The following NSMCE2 variants were observed in gnomAD, a reference collection of about 807,000 sequenced individuals.
NSMCE2 encodes the protein NSE2 SUMO ligase component of SMC5/6 complex.
NSMCE2 carries 24 observed loss-of-function variants against 23.8 expected under a neutral mutation model. The observed-to-expected ratio is 1.01, with a 90% CI of 0.73 to 1.42. The LOEUF is 1.42. NSMCE2 is among the 40% of genes most tolerant of loss of function. The pLI is 0.00. For synonymous variants in NSMCE2, 92 were observed against 94.1 expected, an observed-to-expected ratio of 0.98 and a Z score of 0.13; for missense variants, 284 against 296.5, an observed-to-expected ratio of 0.96 and a Z score of 0.31.
intron 3 of NSMCE2, among the ~76,000 whole-genome samples, chr8:125,135,116 C>T (rs1819996516): frequency 6.6e-6 from 1 of 152,106 alleles, no homozygotes; most frequent in African/African-American, 2.4e-5. Context: ...TGGGGTTTCA[C>T]TATGTTGTCC....
At chr8:125,208,404 A>G (rs1703775719) in intron 5 of NSMCE2, among the ~76,000 whole-genome samples, 1 of 152,204 alleles carries the variant, frequency 6.6e-6, no homozygotes, top group African/African-American at 2.4e-5. Context: ...GAAACATGGG[A>G]CATAGTCTTT....
intron 5 of NSMCE2, among the ~76,000 whole-genome samples, chr8:125,195,911 G>C (rs1823591795): frequency 7.9e-6 from 1 of 126,500 alleles, no homozygotes; most frequent in South Asian, 2.6e-4. Context: ...TTTTGAGATG[G>C]AGTCTCATTC....
intron 5 of NSMCE2, among the ~76,000 whole-genome samples, chr8:125,192,009 A>G (rs1823362318): frequency 6.6e-6 from 1 of 152,172 alleles, no homozygotes; most frequent in African/African-American, 2.4e-5. Flanking sequence ...TTAGTGAAGA[A>G]AGGTTCAGTT....
intron 5 of NSMCE2, among the ~76,000 whole-genome samples, chr8:125,269,463 A>G (rs936127766): frequency 1.3e-5 from 2 of 152,158 alleles, no homozygotes; most frequent in African/African-American, 2.4e-5. Context: ...CTTTGTATCT[A>G]TGGAGCAAAA....
intron 5 of NSMCE2, among the ~76,000 whole-genome samples, chr8:125,325,793 A>AAT (rs1267491029): frequency 2.0e-5 from 3 of 152,284 alleles, no homozygotes; most frequent in African/African-American, 7.2e-5. Context: ...CTCTACTAAA[A>AAT]ATATAAAAGT....
At chr8:125,239,080 T>C (rs1217974195) in intron 5 of NSMCE2, among the ~76,000 whole-genome samples, 2 of 152,192 alleles carry the variant, frequency 1.3e-5, no homozygotes, top group African/African-American at 2.4e-5. Flanking sequence ...CCTTTGATGT[T>C]AATGAGGAAG....
chr8:125,147,080 G>C lies in NSMCE2; in HGVS notation c.158-4091G>C, dbSNP rs574650532. 7.2e-5 allele frequency among the ~76,000 whole-genome samples: 11 copies of C among 152,226 alleles called. No homozygotes were observed. The South Asian group carries it at 2.3e-3, about 32-fold the overall frequency. ...TCTGCACTGAACTTCCCTAATGCCAGACTTGCAGAAGTGTTGTACAGCAAT... is the reference window on the plus strand; with the variant it reads ...TCTGCACTGAACTTCCCTAATGCCACACTTGCAGAAGTGTTGTACAGCAAT... On this transcript the variant is annotated intron_variant, in intron 3 of 7. Coordinates refer to ENST00000287437, the MANE Select transcript of NSMCE2 (RefSeq NM_173685.4).
intron 5 of NSMCE2, among the ~76,000 whole-genome samples, chr8:125,226,626 C>T (rs984251179): frequency 3.9e-5 from 6 of 152,060 alleles, no homozygotes; most frequent in South Asian, 2.1e-4. Flanking sequence ...TCCTGGAGGA[C>T]GAAACGCCAC....
chr8:125,175,373 T>A (rs1430136863), intron 4 of NSMCE2, among the ~76,000 whole-genome samples: 4 of 152,202 alleles, frequency 2.6e-5, no homozygotes, highest in Non-Finnish European at 5.9e-5. Context: ...TAGATCACTA[T>A]GAATTAAAAC....
At chr8:125,138,702 C>T (rs530011245) in intron 3 of NSMCE2, among the ~76,000 whole-genome samples, 2 of 152,224 alleles carry the variant, frequency 1.3e-5, no homozygotes, top group Admixed American at 6.5e-5. Flanking sequence ...CAGGTCAACT[C>T]GGTCAAAGGA....
chr8:125,249,720 C>T (rs1344390028), intron 5 of NSMCE2, among the ~76,000 whole-genome samples: 3 of 152,190 alleles, frequency 2.0e-5, no homozygotes, highest in African/African-American at 7.2e-5. Flanking sequence ...AGCAAGAATA[C>T]TCAGTGCTTA....
chr8:125,272,053 A>C (rs1293065759), intron 5 of NSMCE2, among the ~76,000 whole-genome samples: 1 of 133,116 alleles, frequency 7.5e-6, no homozygotes, highest in East Asian at 2.1e-4. Context: ...TCGCTCTGTC[A>C]CCTGGGCTGG....
At chr8:125,352,804 A>G (rs570188424) in intron 5 of NSMCE2, among the ~76,000 whole-genome samples, 1 of 152,314 alleles carries the variant, frequency 6.6e-6, no homozygotes, top group East Asian at 1.9e-4. Context: ...TTATTGCCAG[A>G]TGTGACCTTT....
chr8:125,144,338 A>G (rs551275482), intron 3 of NSMCE2, among the ~76,000 whole-genome samples: 2 of 152,328 alleles, frequency 1.3e-5, no homozygotes, highest in African/African-American at 4.8e-5. Flanking sequence ...CTGGAATGAA[A>G]GTTTGATTGG....
chr8:125,324,968 G>A (rs1829604503), intron 5 of NSMCE2, among the ~76,000 whole-genome samples: 1 of 152,144 alleles, frequency 6.6e-6, no homozygotes, highest in Non-Finnish European at 1.5e-5. Context: ...TGAAAGTGCA[G>A]AGGATAGGGA....
intron 5 of NSMCE2, among the ~76,000 whole-genome samples, chr8:125,335,658 T>C (rs1462052906): frequency 6.6e-6 from 1 of 152,208 alleles, no homozygotes; most frequent in African/African-American, 2.4e-5. Context: ...TTCTGAATTA[T>C]GCCCAAGAAA....
chr8:125,147,062 TG>T (rs1364401863), intron 3 of NSMCE2, among the ~76,000 whole-genome samples: 5 of 152,208 alleles, frequency 3.3e-5, no homozygotes, highest in Non-Finnish European at 7.3e-5. Flanking sequence ...TCATCTGCAC[TG>T]AACTTCCCTA....
intron 3 of NSMCE2, among the ~76,000 whole-genome samples, chr8:125,120,181 A>G (rs1296249259): frequency 6.6e-6 from 1 of 152,222 alleles, no homozygotes; most frequent in Non-Finnish European, 1.5e-5. Context: ...TAGTAGCCAC[A>G]TGTGAAAAGT....
intron 5 of NSMCE2, among the ~76,000 whole-genome samples, chr8:125,262,519 A>G (rs528388984): frequency 2.0e-5 from 3 of 152,316 alleles, no homozygotes; most frequent in Non-Finnish European, 2.9e-5. Flanking sequence ...ATTTATTAGT[A>G]TTCATCCATT....
Sources: gnomAD v4.1 joint callset for allele counts (sites outside exome capture counted in the v4.1 genomes callset) on GRCh38, gnomAD v4.1.1 for gene constraint, MANE v1.5 for transcripts, NCBI Gene and HGNC (gene_info 2026-07-23, HGNC 2026-07-21) for gene names.